IQSEC1: variants seen among roughly 807,000 people sequenced by gnomAD.
IQSEC1 encodes IQ motif and SEC7 domain-containing protein 1.
A neutral mutation model predicts 91.0 loss-of-function variants in IQSEC1; 31 were observed. The observed-to-expected ratio is 0.34, with a 90% confidence interval of 0.26 to 0.46. IQSEC1 has a LOEUF of 0.46. Ranked by LOEUF, IQSEC1 falls within the 20% of genes least tolerant of loss-of-function variation. The probability of loss-of-function intolerance (pLI) is 1.00; values close to 1 mark genes in which losing one functional copy is unlikely to be tolerated. For missense variants in IQSEC1, 1,388 were observed against 1,575.6 expected, an observed-to-expected ratio of 0.88 and a Z score of 2.02; for synonymous variants, 699 against 662.6, an observed-to-expected ratio of 1.05 and a Z score of -0.84.
intron 2 of IQSEC1, among the ~76,000 whole-genome samples, chr3:13,095,745 G>A (rs1705944138): frequency 6.6e-6 from 1 of 152,188 alleles, no homozygotes; most frequent in Admixed American, 6.5e-5. Context: ...ATTTGCAGAG[G>A]GCTCCAGATG....
intron 2 of IQSEC1, among the ~76,000 whole-genome samples, chr3:13,091,856 T>A (rs1705866875): frequency 6.6e-6 from 1 of 151,808 alleles, no homozygotes; most frequent in Non-Finnish European, 1.5e-5. Flanking sequence ...AGCCACATCC[T>A]CTGTGGAAGC....
chr3:13,226,843 A>G (rs923656991), intron 1 of IQSEC1, among the ~76,000 whole-genome samples: 1 of 151,268 alleles, frequency 6.6e-6, no homozygotes, highest in African/African-American at 2.4e-5. Context: ...GAGGATGGAG[A>G]CCCTCCAGAT....
chr3:13,036,749 T>C (rs1333843961), intron 1 of IQSEC1, among the ~76,000 whole-genome samples: 1 of 152,200 alleles, frequency 6.6e-6, no homozygotes, highest in African/African-American at 2.4e-5. Context: ...TTGGGGAGCT[T>C]GTCCCAAAGT....
chr3:12,931,684 C>T (rs905878184), intron 3 of IQSEC1, among the ~76,000 whole-genome samples: 3 of 152,154 alleles, frequency 2.0e-5, no homozygotes, highest in Non-Finnish European at 2.9e-5. Context: ...AAGGGTGAAA[C>T]AGCCACGCTC....
chr3:13,035,735 T>C (rs1704011478), intron 1 of IQSEC1, among the ~76,000 whole-genome samples: 1 of 152,192 alleles, frequency 6.6e-6, no homozygotes, highest in African/African-American at 2.4e-5. Context: ...AGAGTTTAAG[T>C]CCTTCACCAT....
At chr3:13,225,050 C>G (rs1332929607) in intron 1 of IQSEC1, among the ~76,000 whole-genome samples, 1 of 152,248 alleles carries the variant, frequency 6.6e-6, no homozygotes, top group Non-Finnish European at 1.5e-5. Context: ...TCTGCCTTTA[C>G]CTGGTTCCCA....
chr3:12,939,703 T>C (rs1698575325), intron 2 of IQSEC1, among the ~76,000 whole-genome samples: 1 of 152,180 alleles, frequency 6.6e-6, no homozygotes, highest in Admixed American at 6.5e-5. Context: ...CTCGGCAGCC[T>C]TTACATCAGC....
At chr3:13,113,302 A>T (rs1283453114) in intron 2 of IQSEC1, among the ~76,000 whole-genome samples, 1 of 152,208 alleles carries the variant, frequency 6.6e-6, no homozygotes, top group East Asian at 1.9e-4. Context: ...TGGGTTCAAT[A>T]TGGAAGAGGC....
intron 1 of IQSEC1, among the ~76,000 whole-genome samples, chr3:13,199,725 G>GC (rs1294580835): frequency 6.6e-6 from 1 of 152,074 alleles, no homozygotes; most frequent in Non-Finnish European, 1.5e-5. Context: ...AGGACACCCT[G>GC]CCCCCATCTG....
chr3:13,109,697 C>A, intron 2 of IQSEC1, among the ~76,000 whole-genome samples: 1 of 151,994 alleles, frequency 6.6e-6, no homozygotes. Context: ...CTTCACCTTC[C>A]ACCATGAGTG....
At chr3:13,138,006 C>A (rs1372779296) in intron 2 of IQSEC1, among the ~76,000 whole-genome samples, 1 of 152,184 alleles carries the variant, frequency 6.6e-6, no homozygotes, top group African/African-American at 2.4e-5. Flanking sequence ...CAGTTGGAAG[C>A]CAGAGGGCTG....
intron 1 of IQSEC1, among the ~76,000 whole-genome samples, chr3:13,175,740 C>G (rs552970550): frequency 2.2e-4 from 33 of 152,374 alleles, no homozygotes; most frequent in African/African-American, 7.0e-4. Flanking sequence ...GATTCGGGAT[C>G]TGGCGAGGGC....
At chr3:13,177,216 C>A (rs1184163406) in intron 1 of IQSEC1, among the ~76,000 whole-genome samples, 1 of 152,218 alleles carries the variant, frequency 6.6e-6, no homozygotes, top group Non-Finnish European at 1.5e-5. Flanking sequence ...TACATCTCAA[C>A]AAAGCTCTTA....
At chr3:13,154,872 AG>A (rs1284592111) in intron 2 of IQSEC1, among the ~76,000 whole-genome samples, 2 of 69,054 alleles carry the variant, frequency 2.9e-5, no homozygotes, top group Non-Finnish European at 5.4e-5. Context: ...AAAGACCAAT[AG>A]GTCAAAAGAG....
intron 1 of IQSEC1, among the ~76,000 whole-genome samples, chr3:13,019,885 C>T (rs1703323797): frequency 6.6e-6 from 1 of 152,210 alleles, no homozygotes; most frequent in Admixed American, 6.5e-5. Flanking sequence ...GCCCCACAGC[C>T]CCGTCAGGTG....
chr3:13,047,368 T>C (rs1369251530), intron 1 of IQSEC1: 1 of 441,614 alleles, frequency 2.3e-6, no homozygotes, highest in Admixed American at 6.4e-5. Context: ...GGCCAAATGG[T>C]GGAGCTAATT....
chr3:12,959,409 C>G (rs1297618206), intron 1 of IQSEC1, among the ~76,000 whole-genome samples: 3 of 152,202 alleles, frequency 2.0e-5, no homozygotes, highest in Non-Finnish European at 2.9e-5. Flanking sequence ...ATTCCACACC[C>G]CGCCCTCCAG....
chr3:13,071,156 T>G lies in IQSEC1; in HGVS notation c.23+1836A>C, dbSNP rs76308472. Reference sequence around the variant, plus strand: ...GGGACCCACACAGTTTTTTTTTGTTTTTTTTTTTTTGTTTGTTTCTTTAAC... The same window carrying G: ...GGGACCCACACAGTTTTTTTTTGTTGTTTTTTTTTTGTTTGTTTCTTTAAC... On this transcript the variant is annotated intron_variant, in intron 1 of 13. Coordinates refer to ENST00000613206, the MANE Select transcript of IQSEC1 (RefSeq NM_001134382.3). Among the ~76,000 whole-genome samples, 5 of 119,748 alleles carry G rather than the reference T, an allele frequency of 4.2e-5. No individual in the cohort carries two copies. In the South Asian group the frequency reaches 9.8e-4, roughly 23 times the overall value. 78.6% of individuals were successfully genotyped at this position (119,748 alleles called of 152,430 possible).
chr3:13,137,465 C>A (rs1706730188), intron 2 of IQSEC1, among the ~76,000 whole-genome samples: 1 of 152,190 alleles, frequency 6.6e-6, no homozygotes, highest in Non-Finnish European at 1.5e-5. Flanking sequence ...TTCCATAAAA[C>A]TCATCAACAA....
Sources: gnomAD v4.1 joint callset for allele counts (sites outside exome capture counted in the v4.1 genomes callset) on GRCh38, gnomAD v4.1.1 for gene constraint, MANE v1.5 for transcripts, NCBI Gene and HGNC (gene_info 2026-07-23, HGNC 2026-07-21) for gene names.